Variants in DPP6 observed in about 807,000 individuals in gnomAD.
The protein encoded by DPP6 is dipeptidyl peptidase like 6, also known as A-type potassium channel modulatory protein DPP6.
In DPP6, 69 loss-of-function variants were observed where a neutral mutation model predicts 122.6. That is an observed-to-expected ratio of 0.56 (90% confidence interval 0.46 to 0.69). DPP6 has a LOEUF of 0.69. DPP6 is among the 30% of genes least tolerant of loss of function. The pLI, the probability that DPP6 is intolerant of heterozygous loss-of-function variation, is 0.00. For missense variants in DPP6, 928 were observed against 1,116.9 expected, an observed-to-expected ratio of 0.83 and a Z score of 2.41; for synonymous variants, 418 against 433.1, an observed-to-expected ratio of 0.97 and a Z score of 0.43.
intron 1 of DPP6, among the ~76,000 whole-genome samples, chr7:154,126,075 T>C (rs1264753474): frequency 6.6e-6 from 1 of 152,202 alleles, no homozygotes; most frequent in Non-Finnish European, 1.5e-5. Flanking sequence ...GGATATTGAA[T>C]CAGAAAGGTA....
intron 4 of DPP6, among the ~76,000 whole-genome samples, chr7:154,549,747 C>T (rs1829491656): frequency 6.6e-6 from 1 of 152,114 alleles, no homozygotes; most frequent in Admixed American, 6.5e-5. Flanking sequence ...ACCTTATCAT[C>T]GCATGTGGGC....
intron 4 of DPP6, among the ~76,000 whole-genome samples, chr7:154,550,030 G>A (rs1173621933): frequency 6.6e-6 from 1 of 151,800 alleles, no homozygotes; most frequent in Non-Finnish European, 1.5e-5. Flanking sequence ...TATTTTATTT[G>A]GAAATAAAGA....
At chr7:154,014,697 A>G (rs1798318414) in intron 1 of DPP6, among the ~76,000 whole-genome samples, 1 of 151,964 alleles carries the variant, frequency 6.6e-6, no homozygotes, top group South Asian at 2.1e-4. Flanking sequence ...AAAAAAAATC[A>G]TGGGCTAGCT....
intron 10 of DPP6, among the ~76,000 whole-genome samples, chr7:154,792,507 G>A (rs1797745376): frequency 6.6e-6 from 1 of 152,238 alleles, no homozygotes; most frequent in African/African-American, 2.4e-5. Context: ...CATTATAAAT[G>A]CCTGTCCCTG....
At chr7:154,867,931 G>A (rs939822488) in intron 17 of DPP6, 64 bp from the exon 18 acceptor site, 1 of 1,503,326 alleles carries the variant, frequency 6.7e-7, no homozygotes, top group South Asian at 1.4e-5. Flanking sequence ...AAAAGCCATG[G>A]CCCGCAGAGG....
chr7:154,470,505 G>A (rs1001711284), intron 2 of DPP6, among the ~76,000 whole-genome samples: 4 of 152,132 alleles, frequency 2.6e-5, no homozygotes, highest in African/African-American at 9.7e-5. Flanking sequence ...AGCTATGCTC[G>A]GGTGATGGGA....
At chr7:154,279,013 G>A (rs910825797) in intron 1 of DPP6, among the ~76,000 whole-genome samples, 1 of 151,524 alleles carries the variant, frequency 6.6e-6, no homozygotes, top group Non-Finnish European at 1.5e-5. Flanking sequence ...GGGGATACCT[G>A]TGCTTGTTGT....
chr7:154,629,733 C>T (rs1190159019), intron 5 of DPP6, among the ~76,000 whole-genome samples: 1 of 152,116 alleles, frequency 6.6e-6, no homozygotes, highest in Non-Finnish European at 1.5e-5. Context: ...TGCTTCGAGC[C>T]CCTGCTCATA....
chr7:154,076,437 C>G (rs1198189608), intron 1 of DPP6, among the ~76,000 whole-genome samples: 1 of 150,804 alleles, frequency 6.6e-6, no homozygotes, highest in Non-Finnish European at 1.5e-5. Flanking sequence ...GTGACGAGGG[C>G]AAAACTCCAT....
chr7:154,499,590 C>A (rs762293619), intron 3 of DPP6, among the ~76,000 whole-genome samples: 2 of 151,946 alleles, frequency 1.3e-5, no homozygotes, highest in Non-Finnish European at 2.9e-5. Flanking sequence ...TTTAGGACAC[C>A]ACACCTTTTC....
At chr7:154,111,158 C>G (rs957432820) in intron 1 of DPP6, among the ~76,000 whole-genome samples, 29 of 152,084 alleles carry the variant, frequency 1.9e-4, no homozygotes, top group Admixed American at 4.6e-4. Flanking sequence ...CAGACACATT[C>G]AGTTGTTGTT....
Position 154,815,601 on chromosome 7 carries a change from G to A in DPP6, c.1666+8489G>A, listed in dbSNP as rs75507574. On this transcript the variant is annotated intron_variant, in intron 16 of 25. Coordinates refer to ENST00000377770, the MANE Select transcript of DPP6 (RefSeq NM_130797.4). ...AAATGCCACCAGGAAAGTGAGTTCC[G>A]TGTATGAATTGGCCATTTGGTGCTT... Among the ~76,000 whole-genome samples, 697 of 152,284 alleles carry A rather than the reference G, an allele frequency of 4.6e-3. 6 individuals are homozygous for A. The highest frequency in any genetic ancestry group is 0.015 in the African/African-American group (643 of 41,560).
rs945033638 is a variant in DPP6, at chr7:153,995,537, G to A, written c.51+107803G>A. On this transcript the variant is annotated intron_variant, in intron 1 of 25. Coordinates refer to the DPP6 transcript ENST00000404039. Reference sequence around the variant, plus strand: ...CCAGGAGGCAGAGCTTGCAGTAAGCGGAGATAGCACCACTGCAGTATGGCC... The same window carrying A: ...CCAGGAGGCAGAGCTTGCAGTAAGCAGAGATAGCACCACTGCAGTATGGCC... Among the ~76,000 whole-genome samples the A allele has an allele frequency of 5.0e-5, 7 of 140,628 alleles. No individual in the cohort carries two copies. In the East Asian group the frequency reaches 1.0e-3, roughly 21 times the overall value. 92.3% of individuals were successfully genotyped at this position (140,628 alleles called of 152,430 possible).
intron 7 of DPP6, among the ~76,000 whole-genome samples, chr7:154,717,381 AACACACACAC>A (rs147112173): frequency 1.3e-5 from 2 of 149,380 alleles, no homozygotes; most frequent in South Asian, 2.1e-4. Context: ...CTTGCACACA[AACACACACAC>A]ACACACACAC....
intron 1 of DPP6, among the ~76,000 whole-genome samples, chr7:154,438,563 C>T (rs1369678893): frequency 6.7e-6 from 1 of 149,556 alleles, no homozygotes; most frequent in African/African-American, 2.5e-5. Context: ...GGGAAAAATG[C>T]ATCCAGGCCT....
At chr7:154,591,891 G>A (rs768332025) in intron 5 of DPP6, among the ~76,000 whole-genome samples, 1 of 152,262 alleles carries the variant, frequency 6.6e-6, no homozygotes, top group Non-Finnish European at 1.5e-5. Flanking sequence ...GTCACAGAGC[G>A]AGTCTGAAGG....
At chr7:154,205,256 C>T (rs1455143215) in intron 1 of DPP6, among the ~76,000 whole-genome samples, 2 of 152,190 alleles carry the variant, frequency 1.3e-5, no homozygotes, top group Middle Eastern at 3.4e-3. Context: ...GTGGTAACAC[C>T]CAGGACATTG....
intron 1 of DPP6, among the ~76,000 whole-genome samples, chr7:154,007,776 G>A (rs1797975154): frequency 6.6e-6 from 1 of 152,064 alleles, no homozygotes; most frequent in Admixed American, 6.5e-5. Context: ...GTCCACAGGG[G>A]GTTCTGGAGC....
At chr7:154,126,218 G>A (rs891570628) in intron 1 of DPP6, among the ~76,000 whole-genome samples, 11 of 152,158 alleles carry the variant, frequency 7.2e-5, no homozygotes, top group Non-Finnish European at 1.6e-4. Flanking sequence ...AATCATATAT[G>A]TGAATAGAAC....
Sources: allele counts gnomAD v4.1 joint callset (sites outside exome capture counted in the v4.1 genomes callset), GRCh38; gene constraint gnomAD v4.1.1; transcripts MANE v1.5; gene names NCBI Gene and HGNC (gene_info 2026-07-23, HGNC 2026-07-21).